The following PDCD10 variants were observed in gnomAD, a reference collection of about 807,000 sequenced individuals.
PDCD10 encodes programmed cell death protein 10.
In PDCD10, 4 loss-of-function variants were observed where a neutral mutation model predicts 29.2. The observed-to-expected ratio is 0.14, with a 90% confidence interval of 0.07 to 0.31. The LOEUF (loss-of-function observed/expected upper bound fraction) is 0.31, where lower values mean the gene tolerates loss of function less well. Ranked by LOEUF, PDCD10 falls within the 10% of genes least tolerant of loss-of-function variation. The pLI is 1.00. For missense variants in PDCD10, 183 were observed against 257.9 expected (o/e 0.71, Z 1.99); for synonymous variants, 70 against 82.2 (o/e 0.85, Z 0.80).
intron 6 of PDCD10, among the ~76,000 whole-genome samples, chr3:167,693,175 T>G (rs997265574): frequency 2.0e-5 from 3 of 152,212 alleles, no homozygotes; most frequent in Non-Finnish European, 4.4e-5. Context: ...TAAAATAGCA[T>G]TTCTCAATGT....
chr3:167,734,494 C>G (rs748923870), intron 1 of PDCD10, 144 bp from the exon 2 acceptor site: 1 of 152,812 alleles, frequency 6.5e-6, no homozygotes, highest in East Asian at 1.9e-4. Context: ...AAGGACCCCA[C>G]CCCAGGCACA....
At chr3:167,712,816 T>A (rs953904308) in intron 3 of PDCD10, among the ~76,000 whole-genome samples, 1 of 152,056 alleles carries the variant, frequency 6.6e-6, no homozygotes, top group African/African-American at 2.4e-5. Flanking sequence ...GCTGTATTTG[T>A]ATCAGACAAA....
chr3:167,696,244 C>T (rs1314707208), intron 5 of PDCD10, among the ~76,000 whole-genome samples: 1 of 152,044 alleles, frequency 6.6e-6, no homozygotes, highest in African/African-American at 2.4e-5. Flanking sequence ...AAAACAAAAA[C>T]ACCAGCACAA....
chr3:167,700,358 C>G (rs1194886237), intron 4 of PDCD10, among the ~76,000 whole-genome samples: 1 of 152,010 alleles, frequency 6.6e-6, no homozygotes, highest in Non-Finnish European at 1.5e-5. Context: ...TGGGATAATA[C>G]CATGGGACCC....
intron 3 of PDCD10, among the ~76,000 whole-genome samples, chr3:167,712,550 AAAGG>A (rs1722619948): frequency 6.6e-6 from 1 of 152,058 alleles, no homozygotes; most frequent in Admixed American, 6.6e-5. Flanking sequence ...AGGAAGGAAA[AAAGG>A]AAGAGAAGAC....
chr3:167,728,428 G>A (rs1370990902), intron 2 of PDCD10, among the ~76,000 whole-genome samples: 1 of 152,136 alleles, frequency 6.6e-6, no homozygotes, highest in African/African-American at 2.4e-5. Flanking sequence ...TTAGGGTTTT[G>A]TCATTCCATA....
chr3:167,697,160 G>T, intron 4 of PDCD10, 34 bp from the exon 5 acceptor site: 1 of 1,130,794 alleles, frequency 8.8e-7, no homozygotes, highest in South Asian at 1.2e-5. Context: ...TTGAAATACA[G>T]ATAAGGAATC....
At chr3:167,729,800 A>G (rs1724608769) in intron 2 of PDCD10, among the ~76,000 whole-genome samples, 1 of 152,214 alleles carries the variant, frequency 6.6e-6, no homozygotes, top group Admixed American at 6.5e-5. Context: ...AACCTCTGGT[A>G]AACTTATTCC....
At chr3:167,730,966 AAGG>A (rs1724742163) in intron 2 of PDCD10, 1 of 152,158 alleles carries the variant, frequency 6.6e-6, no homozygotes, top group Admixed American at 6.5e-5. Flanking sequence ...GGAAGATAGC[AAGG>A]TTAAAAAGCA....
At chr3:167,712,828 C>G (rs1378607878) in intron 3 of PDCD10, among the ~76,000 whole-genome samples, 1 of 151,882 alleles carries the variant, frequency 6.6e-6, no homozygotes, top group Non-Finnish European at 1.5e-5. Context: ...TCAGACAAAA[C>G]AGATTTCAAG....
chr3:167,733,436 A>C (rs1194011388), intron 2 of PDCD10, among the ~76,000 whole-genome samples: 1 of 152,186 alleles, frequency 6.6e-6, no homozygotes, highest in East Asian at 1.9e-4. Context: ...CTGTTTTTTC[A>C]TTCTTCAATG....
rs1246713340 is a variant in PDCD10 at position 167,734,821 on chromosome 3, T to G, written c.-413A>C. ...TACACCTTACCAGCAACTGAGGCAC[T>G]GACTTCACTTCCCACCTTGCAGCCC... On this transcript the variant is annotated 5_prime_UTR_variant, in exon 1 of 9. Transcript: ENST00000392750. The G allele has an allele frequency of 6.5e-6, 1 of 153,946 alleles. No individual in the cohort carries two copies. The highest frequency in any genetic ancestry group is 1.4e-5 in the Non-Finnish European group (1 of 69,122). The allele number at this position is 153,946 out of a possible 1,614,324, so 9.5% of individuals were successfully genotyped here.
chr3:167,697,924 G>A (rs1317552440), intron 4 of PDCD10: 1 of 456,472 alleles, frequency 2.2e-6, no homozygotes, highest in Non-Finnish European at 4.4e-6. Context: ...TTTGTTTCCT[G>A]TAGGATGCCT....
intron 5 of PDCD10, among the ~76,000 whole-genome samples, chr3:167,696,096 T>G (rs995421140): frequency 6.6e-6 from 1 of 152,012 alleles, no homozygotes; most frequent in South Asian, 2.1e-4. Flanking sequence ...GTGTCATAAC[T>G]AGTGCAAAGG....
intron 4 of PDCD10, among the ~76,000 whole-genome samples, chr3:167,697,459 ATTACT>A (rs1720927261): frequency 1.3e-5 from 2 of 152,048 alleles, no homozygotes; most frequent in Admixed American, 1.3e-4. Flanking sequence ...TGCTATTCTC[ATTACT>A]TTAAATATCT....
intron 8 of PDCD10, among the ~76,000 whole-genome samples, chr3:167,686,209 T>C (rs1339185632): frequency 6.6e-6 from 1 of 152,210 alleles, no homozygotes; most frequent in Non-Finnish European, 1.5e-5. Flanking sequence ...AGACTTTCCA[T>C]CAGTTTATAC....
chr3:167,688,571 A>G (rs1327816452), intron 6 of PDCD10, among the ~76,000 whole-genome samples: 1 of 152,018 alleles, frequency 6.6e-6, no homozygotes, highest in Non-Finnish European at 1.5e-5. Flanking sequence ...TTTGATTTCC[A>G]CATTTTAACC....
intron 4 of PDCD10, among the ~76,000 whole-genome samples, chr3:167,700,331 G>C (rs1258786148): frequency 6.6e-6 from 1 of 152,058 alleles, no homozygotes; most frequent in Non-Finnish European, 1.5e-5. Context: ...ATCGTGTTTA[G>C]TGCAATACTT....
At chr3:167,701,325 A>G (rs1265531159) in intron 4 of PDCD10, among the ~76,000 whole-genome samples, 4 of 152,206 alleles carry the variant, frequency 2.6e-5, no homozygotes, top group Non-Finnish European at 5.9e-5. Flanking sequence ...ATATATAGAT[A>G]TCAGAGATAT....
Sources: allele counts gnomAD v4.1 joint callset (sites outside exome capture counted in the v4.1 genomes callset), GRCh38; gene constraint gnomAD v4.1.1; transcripts MANE v1.5; gene names NCBI Gene and HGNC (gene_info 2026-07-23, HGNC 2026-07-21).